The following SLIT2 variants were observed in gnomAD, a reference collection of about 807,000 sequenced individuals.
The protein encoded by SLIT2 is slit homolog 2 protein.
In SLIT2, 41 loss-of-function variants were observed where a neutral mutation model predicts 185.7. The ratio of observed to expected loss-of-function variants is 0.22; its 90% CI spans 0.17 to 0.29. The LOEUF (loss-of-function observed/expected upper bound fraction) is 0.29. SLIT2 is among the 10% of genes least tolerant of loss of function. The pLI, the probability that SLIT2 is intolerant of heterozygous loss-of-function variation, is 1.00. For missense variants in SLIT2, 1,571 were observed against 1,909.0 expected, an observed-to-expected ratio of 0.82 and a Z score of 3.30; for synonymous variants, 693 against 680.2, an observed-to-expected ratio of 1.02 and a Z score of -0.29.
intron 4 of SLIT2, among the ~76,000 whole-genome samples, chr4:20,269,274 T>C (rs1713355714): frequency 6.6e-6 from 1 of 151,874 alleles, no homozygotes; most frequent in Non-Finnish European, 1.5e-5. Context: ...TTTTTTGGTA[T>C]TGTTTCTGGG....
At chr4:20,290,685 A>G (rs1175969401) in intron 4 of SLIT2, among the ~76,000 whole-genome samples, 2 of 151,102 alleles carry the variant, frequency 1.3e-5, no homozygotes, top group African/African-American at 2.4e-5. Context: ...TGTCTGGCAT[A>G]TGGTGGTTGC....
intron 4 of SLIT2, among the ~76,000 whole-genome samples, chr4:20,466,631 C>A (rs1714386609): frequency 2.0e-5 from 3 of 152,060 alleles, no homozygotes; most frequent in African/African-American, 7.2e-5. Flanking sequence ...CTCTCTGTTG[C>A]GTGGCCACAA....
At chr4:20,357,770 C>G (rs1010911189) in intron 4 of SLIT2, among the ~76,000 whole-genome samples, 1 of 151,964 alleles carries the variant, frequency 6.6e-6, no homozygotes, top group Non-Finnish European at 1.5e-5. Flanking sequence ...TTTTATTCCC[C>G]CCAATATACT....
intron 4 of SLIT2, among the ~76,000 whole-genome samples, chr4:20,401,837 G>A (rs544701937): frequency 2.6e-5 from 4 of 151,948 alleles, no homozygotes; most frequent in South Asian, 2.1e-4. Flanking sequence ...AAGCATTTAC[G>A]CAGTGCCTAC....
At chr4:20,451,589 T>C (rs765423561) in intron 4 of SLIT2, among the ~76,000 whole-genome samples, 3 of 152,238 alleles carry the variant, frequency 2.0e-5, no homozygotes, top group East Asian at 1.9e-4. Flanking sequence ...CAAAAAGATA[T>C]ACTGAGACAG....
At chr4:20,335,703 T>A (rs1720438229) in intron 4 of SLIT2, among the ~76,000 whole-genome samples, 2 of 152,142 alleles carry the variant, frequency 1.3e-5, no homozygotes, top group Non-Finnish European at 2.9e-5. Context: ...GTGATAAAAC[T>A]GCTCAAGTAC....
chr4:20,423,882 A>G (rs888889811), intron 4 of SLIT2, among the ~76,000 whole-genome samples: 2 of 152,228 alleles, frequency 1.3e-5, no homozygotes, highest in South Asian at 2.1e-4. Flanking sequence ...TTTGCATTAC[A>G]TGTGTTTCCT....
Position 20,474,625 on chromosome 4 carries a change from C to T in SLIT2, c.468-6091C>T, listed in dbSNP as rs956000537. ...AAAATATGAATTGGCATAATCATGC[C>T]ATGGCTGCTGTGTCTTCTTATGATA... On this transcript the variant is annotated intron_variant, in intron 5 of 36. Coordinates refer to ENST00000504154, the MANE Select transcript of SLIT2 (RefSeq NM_004787.4). Among the ~76,000 whole-genome samples, 6 of 152,132 alleles carry T rather than the reference C, an allele frequency of 3.9e-5. No individual in the cohort carries two copies. The East Asian group carries it at 9.7e-4, about 25-fold the overall frequency.
rs10033680 is a variant in SLIT2, at chr4:20,448,774, A to G, written c.396-18978A>G. Among the ~76,000 whole-genome samples, 809 of 152,216 alleles carry G rather than the reference A, an allele frequency of 5.3e-3. 11 individuals are homozygous for G. Among genetic ancestry groups the G allele is most frequent in the African/African-American group, 0.019 (785 of 41,524 alleles). Reference sequence around the variant, plus strand: ...TGCTTCAGCCTCCCGAGTAGCTGGGATTACAGGCGCACACCACCACACCCA... The same window carrying G: ...TGCTTCAGCCTCCCGAGTAGCTGGGGTTACAGGCGCACACCACCACACCCA... On this transcript the variant is annotated intron_variant, in intron 4 of 36. Coordinates refer to ENST00000504154, the MANE Select transcript of SLIT2 (RefSeq NM_004787.4).
At chr4:20,392,347 C>A (rs141640797) in intron 4 of SLIT2, 1 of 151,942 alleles carries the variant, frequency 6.6e-6, no homozygotes, top group Non-Finnish European at 1.5e-5. Flanking sequence ...TAAAAAGGTA[C>A]ACCTGTATAG....
chr4:20,545,671 C>T (rs1309589308), intron 21 of SLIT2, among the ~76,000 whole-genome samples: 1 of 152,038 alleles, frequency 6.6e-6, no homozygotes, highest in South Asian at 2.1e-4. Flanking sequence ...GTCTTGGCCA[C>T]AGCAGCAAGG....
chr4:20,570,821 T>C, intron 29 of SLIT2, among the ~76,000 whole-genome samples: 1 of 150,224 alleles, frequency 6.7e-6, no homozygotes, highest in Non-Finnish European at 1.5e-5. Context: ...ATGTGTCTTT[T>C]TGACAATAAA....
At chr4:20,410,600 G>T (rs542735871) in intron 4 of SLIT2, among the ~76,000 whole-genome samples, 3 of 151,914 alleles carry the variant, frequency 2.0e-5, no homozygotes, top group Non-Finnish European at 4.4e-5. Context: ...TGTATGTGGT[G>T]TAAGGAAGGG....
chr4:20,466,185 G>A (rs1714334084), intron 4 of SLIT2, among the ~76,000 whole-genome samples: 1 of 151,836 alleles, frequency 6.6e-6, no homozygotes, highest in East Asian at 1.9e-4. Context: ...AGCCTTCTCT[G>A]AACACTGTTT....
intron 29 of SLIT2, among the ~76,000 whole-genome samples, chr4:20,583,086 A>G (rs566142935): frequency 6.6e-6 from 1 of 152,370 alleles, no homozygotes; most frequent in Admixed American, 6.5e-5. Flanking sequence ...CGCTGTTAAC[A>G]GTGGGGAACT....
At chr4:20,323,816 T>C (rs1273352053) in intron 4 of SLIT2, among the ~76,000 whole-genome samples, 2 of 152,210 alleles carry the variant, frequency 1.3e-5, no homozygotes, top group East Asian at 3.8e-4. Flanking sequence ...AGTTTGTTTC[T>C]GATTTTTCCT....
chr4:20,502,623 G>C, intron 9 of SLIT2, among the ~76,000 whole-genome samples: 1 of 152,212 alleles, frequency 6.6e-6, no homozygotes, highest in East Asian at 1.9e-4. Context: ...TAGAGAACTT[G>C]AGGGCTTTTT....
At chr4:20,541,726 G>A (rs543073963) in intron 20 of SLIT2, 107 bp downstream of exon 20, 2 of 1,014,926 alleles carry the variant, frequency 2.0e-6, no homozygotes, top group Middle Eastern at 4.3e-4. Flanking sequence ...TAATGATCGT[G>A]TATCTTTTGC....
intron 4 of SLIT2, among the ~76,000 whole-genome samples, chr4:20,467,047 T>C (rs1294323133): frequency 6.6e-6 from 1 of 152,196 alleles, no homozygotes; most frequent in African/African-American, 2.4e-5. Flanking sequence ...TGAGCGATTT[T>C]TACAAACTGC....
Sources: gnomAD v4.1 joint callset for allele counts (sites outside exome capture counted in the v4.1 genomes callset) on GRCh38, gnomAD v4.1.1 for gene constraint, MANE v1.5 for transcripts, NCBI Gene and HGNC (gene_info 2026-07-23, HGNC 2026-07-21) for gene names.